The following CNTNAP2 variants were observed in gnomAD, a reference collection of about 807,000 sequenced individuals.
CNTNAP2 encodes the protein contactin-associated protein-like 2.
A neutral mutation model predicts 155.2 loss-of-function variants in CNTNAP2; 98 were observed. The observed-to-expected ratio is 0.63, with a 90% CI of 0.54 to 0.75. CNTNAP2 has a LOEUF of 0.75. Among genes scored for constraint, CNTNAP2 ranks in the 30% least tolerant of loss-of-function variants. The probability of loss-of-function intolerance (pLI) is 0.00; values close to 1 mark genes in which losing one functional copy is unlikely to be tolerated. For synonymous variants in CNTNAP2, 651 were observed against 631.2 expected (o/e 1.03, Z -0.47); for missense variants, 1,727 against 1,688.1 (o/e 1.02, Z -0.40).
chr7:147,577,934 C>A (rs1373435372), intron 12 of CNTNAP2, among the ~76,000 whole-genome samples: 1 of 151,966 alleles, frequency 6.6e-6, no homozygotes, highest in South Asian at 2.1e-4. Flanking sequence ...TATTTCCATA[C>A]ACAGTATTCA....
chr7:146,423,913 A>G (rs1368899498), intron 1 of CNTNAP2, among the ~76,000 whole-genome samples: 1 of 152,136 alleles, frequency 6.6e-6, no homozygotes, highest in Non-Finnish European at 1.5e-5. Flanking sequence ...ACGTTACTCA[A>G]TTTCTGTGAT....
Position 147,305,463 on chromosome 7 carries a change from G to T in CNTNAP2, c.1498+5173G>T, listed in dbSNP as rs192535405. 3.0e-4 allele frequency among the ~76,000 whole-genome samples: 46 copies of T among 152,212 alleles called. No individual in the cohort carries two copies. The East Asian group carries it at 7.5e-3, about 25-fold the overall frequency. On this transcript the variant is annotated intron_variant, in intron 9 of 23. Coordinates refer to ENST00000361727, the MANE Select transcript of CNTNAP2 (RefSeq NM_014141.6). ...ATAGTTTCCCAGAAATCCTTGGTTT[G>T]GCTCATCCATCAAAGAATACGAACT...
chr7:146,745,376 C>T (rs1451191857), intron 1 of CNTNAP2, among the ~76,000 whole-genome samples: 1 of 151,990 alleles, frequency 6.6e-6, no homozygotes, highest in East Asian at 1.9e-4. Context: ...AAGTCTAAGG[C>T]AAAGGTAAGT....
At chr7:147,780,470 A>G (rs1019222400) in intron 13 of CNTNAP2, among the ~76,000 whole-genome samples, 76 of 152,340 alleles carry the variant, frequency 5.0e-4, no homozygotes, top group African/African-American at 1.8e-3. Context: ...CTACAGATCT[A>G]CATCTAGCCA....
chr7:148,059,892 G>A (rs1803100617), intron 15 of CNTNAP2, among the ~76,000 whole-genome samples: 2 of 151,922 alleles, frequency 1.3e-5, no homozygotes, highest in South Asian at 4.2e-4. Context: ...TTTAAAAATT[G>A]GTCAAGGTTT....
At chr7:148,268,505 A>C (rs1362683149) in intron 21 of CNTNAP2, among the ~76,000 whole-genome samples, 1 of 152,082 alleles carries the variant, frequency 6.6e-6, no homozygotes, top group Non-Finnish European at 1.5e-5. Context: ...ATTTAAAAAA[A>C]TTAGACGGGC....
At chr7:146,818,787 C>T (rs777933240) in intron 2 of CNTNAP2, among the ~76,000 whole-genome samples, 1 of 151,834 alleles carries the variant, frequency 6.6e-6, no homozygotes, top group African/African-American at 2.4e-5. Flanking sequence ...ATTTAAAAAG[C>T]TCACAAATTG....
At chr7:146,941,647 C>A (rs1027551426) in intron 3 of CNTNAP2, among the ~76,000 whole-genome samples, 1 of 151,972 alleles carries the variant, frequency 6.6e-6, no homozygotes, top group African/African-American at 2.4e-5. Context: ...CTCATAGAAC[C>A]CTCTTTATCA....
intron 1 of CNTNAP2, among the ~76,000 whole-genome samples, chr7:146,365,663 CATT>C (rs1374644670): frequency 2.3e-4 from 35 of 152,254 alleles, no homozygotes; most frequent in South Asian, 8.3e-4. Context: ...GAATTTAACT[CATT>C]ATGCACAAAT....
At chr7:147,683,283 C>T (rs1465642775) in intron 13 of CNTNAP2, among the ~76,000 whole-genome samples, 1 of 151,798 alleles carries the variant, frequency 6.6e-6, no homozygotes, top group African/African-American at 2.4e-5. Flanking sequence ...TATATGCAAA[C>T]TGCAATTTGT....
intron 8 of CNTNAP2, among the ~76,000 whole-genome samples, chr7:147,152,662 C>A (rs191443620): frequency 5.7e-4 from 87 of 152,132 alleles, no homozygotes; most frequent in African/African-American, 2.0e-3. Flanking sequence ...TTTAGCTTAT[C>A]ATATGTGTTT....
chr7:147,428,068 T>C (rs1425990622), intron 10 of CNTNAP2, among the ~76,000 whole-genome samples: 1 of 152,090 alleles, frequency 6.6e-6, no homozygotes, highest in Non-Finnish European at 1.5e-5. Flanking sequence ...TCAAAGTAAA[T>C]GTAGATTTAG....
rs1375765888 is a variant in CNTNAP2, at chr7:148,189,805, C to T, written c.3010+17327C>T. On this transcript the variant is annotated intron_variant, in intron 18 of 23. Transcript: ENST00000361727. ...CAGAAATGGGTAGCCCCTGGCACCT[C>T]AGAAAGATAGACTTAAAAACGGAAG... The T allele has an allele frequency of 2.6e-5, 4 of 152,270 alleles. No homozygotes were observed. In the East Asian group the frequency reaches 7.7e-4, roughly 29 times the overall value. The allele number at this position is 152,270 out of a possible 1,614,324, so 9.4% of individuals were successfully genotyped here. A position where few individuals can be genotyped will look rare whatever the true frequency, so the allele number is the denominator to read the frequency against.
intron 11 of CNTNAP2, among the ~76,000 whole-genome samples, chr7:147,547,006 C>A (rs6964948): frequency 0.052 from 7,915 of 152,126 alleles, 371 homozygotes; most frequent in African/African-American, 0.12. Flanking sequence ...CTAATCAAAA[C>A]CTAGGAGACA....
rs145963908 is a variant in CNTNAP2 at position 148,270,033 on chromosome 7, G to T, written c.3475+2907G>T. ...TGTGGAACCTGCAAAGTCAAATTTTGATGGGAATGTTGGATGATTTCTAGG... is the reference window on the plus strand; with the variant it reads ...TGTGGAACCTGCAAAGTCAAATTTTTATGGGAATGTTGGATGATTTCTAGG... On this transcript the variant is annotated intron_variant, in intron 21 of 23. Transcript: ENST00000361727. Among the ~76,000 whole-genome samples the T allele has an allele frequency of 3.3e-4, 51 of 152,274 alleles. 1 individual carries two copies. The East Asian group carries it at 9.3e-3, about 28-fold the overall frequency.
chr7:146,753,566 T>C (rs1801942495), intron 1 of CNTNAP2, among the ~76,000 whole-genome samples: 2 of 152,090 alleles, frequency 1.3e-5, no homozygotes, highest in South Asian at 4.1e-4. Context: ...TACTCAATTG[T>C]ATGCAAGTTA....
chr7:146,569,558 TAGCTCAG>T (rs1478517007), intron 1 of CNTNAP2, among the ~76,000 whole-genome samples: 1 of 152,206 alleles, frequency 6.6e-6, no homozygotes, highest in Non-Finnish European at 1.5e-5. Context: ...CTCTGATTAT[TAGCTCAG>T]CACCTCTATG....
At chr7:146,542,636 G>A (rs1042281301) in intron 1 of CNTNAP2, among the ~76,000 whole-genome samples, 6 of 151,850 alleles carry the variant, frequency 4.0e-5, no homozygotes, top group Non-Finnish European at 7.4e-5. Flanking sequence ...TCCCTGTCAA[G>A]CATTTTAATA....
intron 13 of CNTNAP2, among the ~76,000 whole-genome samples, chr7:147,647,474 C>T (rs1049779389): frequency 6.6e-6 from 1 of 152,170 alleles, no homozygotes. Flanking sequence ...AAACTTTCTA[C>T]AATTCTTACC....
Sources: allele counts gnomAD v4.1 joint callset (sites outside exome capture counted in the v4.1 genomes callset), GRCh38; gene constraint gnomAD v4.1.1; transcripts MANE v1.5; gene names NCBI Gene and HGNC (gene_info 2026-07-23, HGNC 2026-07-21).